ERG: variants seen among roughly 807,000 people sequenced by gnomAD.
ERG encodes ETS transcription factor ERG.
Under a neutral mutation model 55.3 loss-of-function variants are expected in ERG, and 9 were observed. The observed-to-expected ratio is 0.16, with a 90% CI of 0.10 to 0.28. The LOEUF (loss-of-function observed/expected upper bound fraction) is 0.28. Ranked by LOEUF, ERG falls within the 10% of genes least tolerant of loss-of-function variation. The probability of loss-of-function intolerance (pLI) is 1.00; values close to 1 mark genes in which losing one functional copy is unlikely to be tolerated. For synonymous variants in ERG, 223 were observed against 237.3 expected (o/e 0.94, Z 0.55); for missense variants, 434 against 631.6 (o/e 0.69, Z 3.35).
intron 2 of ERG, among the ~76,000 whole-genome samples, chr21:38,506,018 G>C (rs1021336918): frequency 1.2e-4 from 5 of 43,398 alleles, no homozygotes; most frequent in Non-Finnish European, 2.1e-4. Context: ...ATGCAGAAAT[G>C]GTGTTTTTTT....
chr21:38,585,532 C>T (rs202205733), upstream of ERG, among the ~76,000 whole-genome samples: 116 of 59,264 alleles, frequency 2.0e-3, no homozygotes, highest in South Asian at 2.6e-3. Flanking sequence ...TCTCTCTCTT[C>T]TTTTTTTTTT....
intron 1 of ERG, among the ~76,000 whole-genome samples, chr21:38,481,343 G>GCGGA (rs1665453049): frequency 6.6e-6 from 1 of 152,142 alleles, no homozygotes; most frequent in Non-Finnish European, 1.5e-5. Context: ...CACTTTACAT[G>GCGGA]CGGACGCTGT....
the ERG span, among the ~76,000 whole-genome samples, chr21:38,373,023 A>G: frequency 6.6e-6 from 1 of 152,102 alleles, no homozygotes; most frequent in African/African-American, 2.4e-5. Context: ...TGGAAGCAAA[A>G]GTCTTCTGGT....
At chr21:38,597,574 G>T (rs982519943) in intron 1 of ERG, among the ~76,000 whole-genome samples, 3 of 151,882 alleles carry the variant, frequency 2.0e-5, no homozygotes, top group African/African-American at 7.3e-5. Flanking sequence ...GAGCACCCTG[G>T]CTGACACTCC....
chr21:38,467,501 G>A (rs767412653), intron 1 of ERG, among the ~76,000 whole-genome samples: 3 of 152,172 alleles, frequency 2.0e-5, no homozygotes, highest in Non-Finnish European at 2.9e-5. Context: ...GGAGGAGGAG[G>A]AGAGAAAGAA....
intron 2 of ERG, among the ~76,000 whole-genome samples, chr21:38,542,924 G>A (rs1160685586): frequency 3.9e-5 from 6 of 152,124 alleles, no homozygotes; most frequent in Admixed American, 6.5e-5. Flanking sequence ...TTCTACCATA[G>A]ATTCTTTAGA....
At chr21:38,640,881 A>C (rs2060420459) in intron 1 of ERG, among the ~76,000 whole-genome samples, 1 of 152,218 alleles carries the variant, frequency 6.6e-6, no homozygotes, top group Non-Finnish European at 1.5e-5. Flanking sequence ...CTCTGGGAAA[A>C]TGGAAGGCAG....
intron 1 of ERG, among the ~76,000 whole-genome samples, chr21:38,638,309 C>T (rs1006897079): frequency 1.2e-4 from 19 of 152,186 alleles, no homozygotes; most frequent in Non-Finnish European, 2.5e-4. Flanking sequence ...CCAGCACAGT[C>T]GGCATTCTAT....
At chr21:38,536,029 TTACATCTGACGGCAA>T (rs1177552164) in intron 2 of ERG, among the ~76,000 whole-genome samples, 2 of 152,166 alleles carry the variant, frequency 1.3e-5, no homozygotes, top group African/African-American at 2.4e-5. Flanking sequence ...TCTTGGGTTA[TTACATCTGACGGCAA>T]GTGTTATGTG....
At chr21:38,657,876 A>G (rs1422305503) in intron 1 of ERG, among the ~76,000 whole-genome samples, 1 of 152,202 alleles carries the variant, frequency 6.6e-6, no homozygotes. Flanking sequence ...GCCAAGCATG[A>G]GCATCCCCAA....
intron 1 of ERG, among the ~76,000 whole-genome samples, chr21:38,622,833 C>T (rs2060300458): frequency 6.7e-6 from 1 of 149,554 alleles, no homozygotes; most frequent in Non-Finnish European, 1.5e-5. Flanking sequence ...CACATACACA[C>T]CATGTGCTCA....
intron 5 of ERG, among the ~76,000 whole-genome samples, chr21:38,401,068 G>A (rs756818966): frequency 2.0e-5 from 3 of 152,144 alleles, no homozygotes; most frequent in Middle Eastern, 3.2e-3. Context: ...TTTAGCCTAA[G>A]AGTATATGGA....
At chr21:38,549,114 A>AAAAAC (rs1022780483) in intron 2 of ERG, among the ~76,000 whole-genome samples, 1 of 151,980 alleles carries the variant, frequency 6.6e-6, no homozygotes, top group Non-Finnish European at 1.5e-5. Flanking sequence ...CTCTGTCTCA[A>AAAAAC]AAAACAAAAC....
intron 1 of ERG, among the ~76,000 whole-genome samples, chr21:38,648,881 G>A (rs967054868): frequency 6.6e-6 from 1 of 152,144 alleles, no homozygotes; most frequent in Non-Finnish European, 1.5e-5. Flanking sequence ...CCTCACTAAC[G>A]ACGACACTTC....
intron 2 of ERG, among the ~76,000 whole-genome samples, chr21:38,529,315 G>A (rs1199624864): frequency 6.6e-6 from 1 of 152,188 alleles, no homozygotes; most frequent in Non-Finnish European, 1.5e-5. Context: ...TCAGTCTCCA[G>A]GAGAATGAGC....
chr21:38,415,400 C>T (rs553601139), intron 3 of ERG, among the ~76,000 whole-genome samples: 1 of 152,138 alleles, frequency 6.6e-6, no homozygotes, highest in Non-Finnish European at 1.5e-5. Flanking sequence ...TTGATTTTAG[C>T]CTCACATTTA....
chr21:38,452,422 C>G (rs1227771735), intron 1 of ERG, among the ~76,000 whole-genome samples: 1 of 152,138 alleles, frequency 6.6e-6, no homozygotes, highest in East Asian at 1.9e-4. Flanking sequence ...TAGATACCTA[C>G]AGAAATACAT....
At chr21:38,449,533 C>T (rs2058921845) in intron 1 of ERG, among the ~76,000 whole-genome samples, 1 of 152,112 alleles carries the variant, frequency 6.6e-6, no homozygotes, top group South Asian at 2.1e-4. Context: ...CATATTATAA[C>T]TCTAAAATAT....
intron 1 of ERG, among the ~76,000 whole-genome samples, chr21:38,458,802 A>T (rs1399089140): frequency 6.6e-6 from 1 of 151,982 alleles, no homozygotes; most frequent in African/African-American, 2.4e-5. Context: ...TCTTTAACAG[A>T]TTCTCATCTC....
Sources: allele counts gnomAD v4.1 joint callset (sites outside exome capture counted in the v4.1 genomes callset), GRCh38; gene constraint gnomAD v4.1.1; transcripts MANE v1.5; gene names NCBI Gene and HGNC (gene_info 2026-07-23, HGNC 2026-07-21).